BLMH: variants seen among roughly 807,000 people sequenced by gnomAD.
BLMH encodes the protein bleomycin hydrolase.
In BLMH, 32 loss-of-function variants were observed where a neutral mutation model predicts 61.6. The ratio of observed to expected loss-of-function variants is 0.52; its 90% CI spans 0.39 to 0.70. The LOEUF is 0.70. Ranked by LOEUF, BLMH falls within the 30% of genes least tolerant of loss-of-function variation. The pLI is 0.00. For synonymous variants in BLMH, 183 were observed against 193.8 expected (o/e 0.94, Z 0.46); for missense variants, 460 against 555.5 (o/e 0.83, Z 1.73).
chr17:30,263,044 T>G (rs2143020726), intron 11 of BLMH, among the ~76,000 whole-genome samples: 1 of 152,276 alleles, frequency 6.6e-6, no homozygotes, highest in East Asian at 1.9e-4. Context: ...CTCCAGGTCC[T>G]TCATACAGTT....
chr17:30,291,228 T>G, intron 2 of BLMH, 83 bp downstream of exon 2: 1 of 1,509,884 alleles, frequency 6.6e-7, no homozygotes, highest in Non-Finnish European at 9.0e-7. Flanking sequence ...CAGTACGAAT[T>G]TAAGACCACT....
chr17:30,251,379 A>G (rs139042587), intron 11 of BLMH, among the ~76,000 whole-genome samples: 72 of 152,370 alleles, frequency 4.7e-4, no homozygotes, highest in African/African-American at 1.7e-3. Flanking sequence ...TATTTAAAAC[A>G]AGAATGGGCT....
chr17:30,287,123 G>A (rs141329911), intron 4 of BLMH, among the ~76,000 whole-genome samples: 68 of 152,192 alleles, frequency 4.5e-4, no homozygotes, highest in African/African-American at 1.5e-3. Flanking sequence ...CTGGCCCACT[G>A]CAGCCTTGAA....
chr17:30,271,147 C>T, intron 10 of BLMH, 124 bp downstream of exon 10: 1 of 753,318 alleles, frequency 1.3e-6, no homozygotes, highest in South Asian at 1.9e-5. Context: ...CGATGTCTTA[C>T]TTGGAAACTA....
At chr17:30,254,205 CTG>C (rs1907751602) in intron 11 of BLMH, among the ~76,000 whole-genome samples, 1 of 152,150 alleles carries the variant, frequency 6.6e-6, no homozygotes, top group Non-Finnish European at 1.5e-5. Flanking sequence ...CACTAACAAA[CTG>C]TATGTGGCTA....
chr17:30,282,849 G>A (rs1908628957), intron 6 of BLMH, among the ~76,000 whole-genome samples: 1 of 152,210 alleles, frequency 6.6e-6, no homozygotes, highest in Non-Finnish European at 1.5e-5. Context: ...TCATTTGGGG[G>A]ATTGTAAAAA....
intron 11 of BLMH, among the ~76,000 whole-genome samples, chr17:30,264,869 T>C (rs1401218400): frequency 1.3e-5 from 2 of 152,246 alleles, no homozygotes; most frequent in Admixed American, 6.5e-5. Flanking sequence ...ATCCATCTCT[T>C]AACTATCACC....
At chr17:30,285,522 T>C in intron 5 of BLMH, 42 bp from the exon 6 acceptor site, 1 of 1,518,570 alleles carries the variant, frequency 6.6e-7, no homozygotes, top group South Asian at 1.2e-5. Context: ...GTTACCCGAA[T>C]TCAATTGTAA....
intron 11 of BLMH, among the ~76,000 whole-genome samples, chr17:30,252,771 C>CT (rs755099648): frequency 2.6e-5 from 4 of 152,070 alleles, no homozygotes; most frequent in Non-Finnish European, 5.9e-5. Flanking sequence ...AGGGCCCCTA[C>CT]TTTCAATAGA....
intron 6 of BLMH, among the ~76,000 whole-genome samples, chr17:30,274,799 T>C (rs1439206747): frequency 6.6e-6 from 1 of 151,800 alleles, no homozygotes; most frequent in East Asian, 1.9e-4. Context: ...CTGGATAACA[T>C]AGTGAAACCT....
At chr17:30,262,121 A>T (rs1245971919) in intron 11 of BLMH, among the ~76,000 whole-genome samples, 2 of 152,244 alleles carry the variant, frequency 1.3e-5, no homozygotes, top group Non-Finnish European at 2.9e-5. Flanking sequence ...TCCTTCAGTG[A>T]ACATTGCAGA....
chr17:30,287,038 G>GGTT (rs1366113808), intron 4 of BLMH, 136 bp from the exon 5 acceptor site: 4 of 638,218 alleles, frequency 6.3e-6, no homozygotes, highest in African/African-American at 5.6e-5. Context: ...TATGAAGCAG[G>GGTT]GTTTTTTGTT....
chr17:30,289,138 G>C (rs1315964632), intron 3 of BLMH, among the ~76,000 whole-genome samples: 1 of 152,006 alleles, frequency 6.6e-6, no homozygotes, highest in Non-Finnish European at 1.5e-5. Context: ...AAATAGACAA[G>C]CAAGCAGTAA....
chr17:30,261,520 C>G (rs1467961122), intron 11 of BLMH, among the ~76,000 whole-genome samples: 1 of 152,160 alleles, frequency 6.6e-6, no homozygotes. Context: ...TACATTATTT[C>G]ATTTGATGGC....
intron 6 of BLMH, among the ~76,000 whole-genome samples, chr17:30,280,100 A>C (rs1908546544): frequency 6.6e-6 from 1 of 152,230 alleles, no homozygotes; most frequent in East Asian, 1.9e-4. Context: ...AGCTACAGGC[A>C]GACACAGAAT....
intron 6 of BLMH, among the ~76,000 whole-genome samples, chr17:30,277,930 AT>A (rs1908466151): frequency 1.3e-5 from 2 of 152,280 alleles, no homozygotes; most frequent in South Asian, 4.1e-4. Context: ...TAAGGGTGAT[AT>A]TTCTTTTAGA....
intron 11 of BLMH, among the ~76,000 whole-genome samples, chr17:30,266,601 T>C (rs1908117154): frequency 6.6e-6 from 1 of 150,766 alleles, no homozygotes. Flanking sequence ...GCAAGGGCAC[T>C]CAACCTCCTC....
At chr17:30,277,698 T>C (rs1385016135) in intron 6 of BLMH, among the ~76,000 whole-genome samples, 1 of 152,212 alleles carries the variant, frequency 6.6e-6, no homozygotes, top group Non-Finnish European at 1.5e-5. Context: ...TACAAATGTT[T>C]TACACTATAA....
At position 30,271,235 on chromosome 17, in the gene BLMH, G is replaced by C. The variant is rs1193950024; in HGVS notation, c.1146+36C>G. On this transcript the variant is annotated intron_variant, in intron 10 of 11. Coordinates refer to ENST00000261714, the MANE Select transcript of BLMH (RefSeq NM_000386.4). Reference sequence around the variant, plus strand: ...TCTACAGGAGAATGTAGATCCATCTGTGCAAACACTCCAGCAGGCATGCTG... The same window carrying C: ...TCTACAGGAGAATGTAGATCCATCTCTGCAAACACTCCAGCAGGCATGCTG... 9 of 1,416,284 alleles carry C rather than the reference G, an allele frequency of 6.4e-6. No individual in the cohort carries two copies. In the Admixed American group the frequency reaches 1.0e-4, roughly 16 times the overall value. The allele number at this position is 1,416,284 out of a possible 1,614,324, so 87.7% of individuals were successfully genotyped here.
Sources: gnomAD v4.1 joint callset for allele counts (sites outside exome capture counted in the v4.1 genomes callset) on GRCh38, gnomAD v4.1.1 for gene constraint, MANE v1.5 for transcripts, NCBI Gene and HGNC (gene_info 2026-07-23, HGNC 2026-07-21) for gene names.